TEX9: variants seen among roughly 807,000 people sequenced by gnomAD.
TEX9 encodes testis-expressed protein 9.
TEX9 carries 74 observed loss-of-function variants against 59.6 expected under a neutral mutation model. The observed-to-expected ratio is 1.24, with a 90% CI of 1.03 to 1.51. The LOEUF (loss-of-function observed/expected upper bound fraction) is 1.51, where lower values mean the gene tolerates loss of function less well. TEX9 is among the 40% of genes most tolerant of loss of function. The pLI, the probability that TEX9 is intolerant of heterozygous loss-of-function variation, is 0.00. For synonymous variants in TEX9, 186 were observed against 152.2 expected, an observed-to-expected ratio of 1.22 and a Z score of -1.64; for missense variants, 522 against 447.8, an observed-to-expected ratio of 1.17 and a Z score of -1.49.
At chr15:56,380,844 A>C (rs143152487) in intron 3 of TEX9, among the ~76,000 whole-genome samples, 1 of 151,664 alleles carries the variant, frequency 6.6e-6, no homozygotes, top group African/African-American at 2.4e-5. Flanking sequence ...TGTTTTTAGG[A>C]TCCTTTCTTT....
chr15:56,317,955 T>C (rs551762650), intron 1 of TEX9, among the ~76,000 whole-genome samples: 29 of 152,292 alleles, frequency 1.9e-4, no homozygotes, highest in Non-Finnish European at 3.2e-4. Flanking sequence ...AATGTGTATA[T>C]CACTGTTTGA....
At chr15:56,316,504 C>T (rs2045768418) in intron 1 of TEX9, among the ~76,000 whole-genome samples, 1 of 150,072 alleles carries the variant, frequency 6.7e-6, no homozygotes, top group South Asian at 2.2e-4. Flanking sequence ...GCAGTCTGCC[C>T]GTTCTCAGAT....
At chr15:56,270,400 A>G (rs1301711745) in intron 1 of TEX9, among the ~76,000 whole-genome samples, 1 of 152,172 alleles carries the variant, frequency 6.6e-6, no homozygotes, top group African/African-American at 2.4e-5. Flanking sequence ...CCATTATGTA[A>G]TGGCCTTCTT....
In TEX9 at chr15:56,391,333, C is replaced by T. The variant is rs1444002653; in HGVS notation, c.486C>T (p.Ser162=). 1.2e-6 allele frequency: 2 copies of T among 1,605,006 alleles called. 1 individual carries two copies. The highest frequency in any genetic ancestry group is 2.2e-5 in the South Asian group (2 of 89,372). Residue 162 remains serine (S), a synonymous_variant, in exon 7 of 13, where the codon AGC becomes AGT. Transcript: ENST00000352903. ...ACTTTTCCCTTGCAAAAACAATTAG[C>T]AAAATTGAAGGGCAACTGGAGGAAG...
At chr15:56,276,136 C>A (rs1224771717) in intron 1 of TEX9, among the ~76,000 whole-genome samples, 2 of 151,866 alleles carry the variant, frequency 1.3e-5, no homozygotes, top group African/African-American at 4.8e-5. Context: ...TTTTCTTGGA[C>A]TTCTCTAAAC....
chr15:56,430,435 G>C (rs1054408382), intron 12 of TEX9, among the ~76,000 whole-genome samples: 80 of 152,136 alleles, frequency 5.3e-4, no homozygotes, highest in African/African-American at 1.9e-3. Context: ...TGAACTCCTG[G>C]GCTCAGGTGA....
At chr15:56,439,863 A>T (rs1012528538) in intron 12 of TEX9, among the ~76,000 whole-genome samples, 9 of 152,036 alleles carry the variant, frequency 5.9e-5, no homozygotes, top group African/African-American at 2.2e-4. Flanking sequence ...GTTGACACAG[A>T]AAGCATGATC....
intron 1 of TEX9, among the ~76,000 whole-genome samples, chr15:56,329,583 C>T (rs1341565832): frequency 6.6e-6 from 1 of 151,804 alleles, no homozygotes; most frequent in Non-Finnish European, 1.5e-5. Context: ...ATAAATTTAA[C>T]AAAGAGATGG....
intron 1 of TEX9, among the ~76,000 whole-genome samples, chr15:56,277,865 CA>C (rs1312472548): frequency 6.6e-6 from 1 of 152,196 alleles, no homozygotes; most frequent in Non-Finnish European, 1.5e-5. Flanking sequence ...AGGAAGATGA[CA>C]TTCCTCCAAT....
At chr15:56,415,047 G>A (rs546762178) in intron 10 of TEX9, among the ~76,000 whole-genome samples, 1 of 151,706 alleles carries the variant, frequency 6.6e-6, no homozygotes, top group Admixed American at 6.6e-5. Context: ...CTTTTGAGAC[G>A]TGTCTGTTCT....
At chr15:56,389,385 G>T (rs1297613495) in exon 6 of TEX9, 2 of 1,607,964 alleles carry the variant, frequency 1.2e-6, no homozygotes, top group South Asian at 2.2e-5. Flanking sequence ...AATAAAGGAA[G>T]GAAAACAAAT....
rs1384869113 is a variant in TEX9 at position 56,434,115 on chromosome 15, A to G, written c.*29+5642A>G. On this transcript the variant is annotated intron_variant, in intron 12 of 12. Transcript: ENST00000352903. ...TTGCTGTTTAATGATAATGACCAAA[A>G]AAACCCCACAACTTTTTCTTACTTT... The G allele has an allele frequency of 3.7e-6, 6 of 1,601,566 alleles. No homozygotes were observed. In the African/African-American group the frequency reaches 4.1e-5, roughly 11 times the overall value.
At chr15:56,297,701 T>C (rs1378026868) in intron 1 of TEX9, among the ~76,000 whole-genome samples, 2 of 152,152 alleles carry the variant, frequency 1.3e-5, no homozygotes, top group Non-Finnish European at 1.5e-5. Context: ...GACAGAGTTT[T>C]ACCATGTTGG....
intron 1 of TEX9, among the ~76,000 whole-genome samples, chr15:56,298,483 A>C (rs1276245866): frequency 6.6e-6 from 1 of 152,170 alleles, no homozygotes; most frequent in Non-Finnish European, 1.5e-5. Context: ...ATTTTTATTT[A>C]AAGATCATAA....
chr15:56,383,489 T>C (rs1187582389), intron 3 of TEX9, among the ~76,000 whole-genome samples: 8 of 152,244 alleles, frequency 5.3e-5, no homozygotes, highest in Non-Finnish European at 1.0e-4. Context: ...CTTTCATTTC[T>C]TGATGTGTCT....
intron 12 of TEX9, among the ~76,000 whole-genome samples, chr15:56,439,592 G>A (rs189453134): frequency 6.6e-6 from 1 of 152,078 alleles, no homozygotes; most frequent in East Asian, 1.9e-4. Context: ...TTTTAAGAAA[G>A]GTGCAAAAGC....
At chr15:56,318,800 A>G (rs1383671038) in intron 1 of TEX9, among the ~76,000 whole-genome samples, 1 of 152,108 alleles carries the variant, frequency 6.6e-6, no homozygotes. Context: ...ATTTGCTCCG[A>G]TATAGCTCCA....
At chr15:56,404,226 A>G (rs1278976181) in intron 9 of TEX9, among the ~76,000 whole-genome samples, 2 of 152,226 alleles carry the variant, frequency 1.3e-5, no homozygotes, top group Non-Finnish European at 2.9e-5. Flanking sequence ...AATTTTTGCA[A>G]TCCACCCATC....
At chr15:56,405,628 C>A (rs1430620991) in intron 9 of TEX9, among the ~76,000 whole-genome samples, 1 of 152,126 alleles carries the variant, frequency 6.6e-6, no homozygotes, top group Non-Finnish European at 1.5e-5. Flanking sequence ...GCTTGCATCC[C>A]TATCTACCCT....
Sources: gnomAD v4.1 joint callset for allele counts (sites outside exome capture counted in the v4.1 genomes callset) on GRCh38, gnomAD v4.1.1 for gene constraint, MANE v1.5 for transcripts, NCBI Gene and HGNC (gene_info 2026-07-23, HGNC 2026-07-21) for gene names.